Variants in RAD51B observed in about 807,000 individuals in gnomAD.
RAD51B encodes DNA repair protein RAD51 homolog 2.
A neutral mutation model predicts 42.2 loss-of-function variants in RAD51B; 38 were observed. The ratio of observed to expected loss-of-function variants is 0.90; its 90% confidence interval spans 0.70 to 1.18. The LOEUF (loss-of-function observed/expected upper bound fraction) is 1.18, where lower values mean the gene tolerates loss of function less well. Ranked by LOEUF, RAD51B falls within the 50% of genes most tolerant of loss-of-function variation. RAD51B has a pLI of 0.00. For missense variants in RAD51B, 373 were observed against 400.7 expected, an observed-to-expected ratio of 0.93 and a Z score of 0.59; for synonymous variants, 154 against 145.2, an observed-to-expected ratio of 1.06 and a Z score of -0.43.
At chr14:68,520,271 C>A (rs373734641) in intron 10 of RAD51B, among the ~76,000 whole-genome samples, 4 of 152,144 alleles carry the variant, frequency 2.6e-5, no homozygotes, top group Non-Finnish European at 5.9e-5. Context: ...CATCAGAGCC[C>A]CCATACCCTG....
intron 10 of RAD51B, among the ~76,000 whole-genome samples, chr14:68,586,088 GC>G (rs1890456584): frequency 1.4e-5 from 2 of 140,306 alleles, no homozygotes; most frequent in Non-Finnish European, 3.0e-5. Flanking sequence ...TCACCTCCTA[GC>G]CTATGGAAGA....
intron 7 of RAD51B, among the ~76,000 whole-genome samples, chr14:68,126,991 C>T (rs1240593205): frequency 6.6e-6 from 1 of 152,162 alleles, no homozygotes; most frequent in African/African-American, 2.4e-5. Context: ...AGAGTATAAG[C>T]TAATGAGCCA....
chr14:67,893,018 C>G (rs2043265639), intron 7 of RAD51B, among the ~76,000 whole-genome samples: 1 of 152,118 alleles, frequency 6.6e-6, no homozygotes, highest in Non-Finnish European at 1.5e-5. Flanking sequence ...AATATAACAG[C>G]TTTTGAGTCC....
chr14:68,597,816 A>AG (rs1359992810), downstream of RAD51B, among the ~76,000 whole-genome samples: 1 of 151,422 alleles, frequency 6.6e-6, no homozygotes, highest in Admixed American at 6.6e-5. Context: ...AAAAAAAAAA[A>AG]AGGACACAGA....
chr14:68,336,258 T>C (rs922788570), intron 8 of RAD51B, among the ~76,000 whole-genome samples: 2 of 152,242 alleles, frequency 1.3e-5, no homozygotes, highest in Admixed American at 1.3e-4. Context: ...TTTAAACCAC[T>C]TATCTCTCAA....
chr14:68,509,155 A>G (rs1291333339), intron 10 of RAD51B, among the ~76,000 whole-genome samples: 1 of 152,198 alleles, frequency 6.6e-6, no homozygotes, highest in Non-Finnish European at 1.5e-5. Context: ...TCAAGGGGTG[A>G]GTGTAGTCTG....
At chr14:68,372,506 G>A (rs896244959) in intron 8 of RAD51B, among the ~76,000 whole-genome samples, 5 of 152,140 alleles carry the variant, frequency 3.3e-5, no homozygotes, top group African/African-American at 9.7e-5. Context: ...TGAGATGCTC[G>A]TCCAAGTGTA....
intron 8 of RAD51B, among the ~76,000 whole-genome samples, chr14:68,404,841 G>C (rs950414711): frequency 1.3e-5 from 2 of 152,166 alleles, no homozygotes; most frequent in Non-Finnish European, 2.9e-5. Context: ...CGAGTATGGA[G>C]CCTGAGTGAC....
chr14:68,164,155 A>C (rs17105077), intron 7 of RAD51B, among the ~76,000 whole-genome samples: 1,865 of 152,308 alleles, frequency 0.012, 37 homozygotes, highest in African/African-American at 0.043. Flanking sequence ...ATTTCACAGG[A>C]AAGTAATTAC....
intron 8 of RAD51B, among the ~76,000 whole-genome samples, chr14:68,297,990 C>T (rs749978855): frequency 3.9e-5 from 6 of 152,170 alleles, no homozygotes; most frequent in East Asian, 1.9e-4. Context: ...TCAACACACA[C>T]GATTTTACAT....
chr14:67,966,773 T>A (rs1404744540), intron 7 of RAD51B, among the ~76,000 whole-genome samples: 1 of 152,216 alleles, frequency 6.6e-6, no homozygotes. Context: ...GCAAACTTGC[T>A]TTTTTGACTC....
chr14:68,576,449 C>A (rs1232607014), intron 10 of RAD51B, among the ~76,000 whole-genome samples: 1 of 152,190 alleles, frequency 6.6e-6, no homozygotes, highest in Non-Finnish European at 1.5e-5. Flanking sequence ...AAGTAAAGCC[C>A]CCACTAGAAG....
At chr14:68,680,885 C>T (rs985372411) in intron 11 of RAD51B, among the ~76,000 whole-genome samples, 1 of 151,758 alleles carries the variant, frequency 6.6e-6, no homozygotes, top group African/African-American at 2.4e-5. Flanking sequence ...AAGCAGATGA[C>T]ATTGTGAGAA....
chr14:68,306,293 T>A (rs2081860812), intron 8 of RAD51B, among the ~76,000 whole-genome samples: 1 of 152,252 alleles, frequency 6.6e-6, no homozygotes, highest in Non-Finnish European at 1.5e-5. Context: ...TCTGGTCCTG[T>A]AACCAACTTG....
At position 68,533,878 on chromosome 14, in the gene RAD51B, G is replaced by T. The variant is rs536990852; in HGVS notation, c.1037-60607G>T. ...TGTTTCAGCCTAAGCCAGTAGCTGGGTTTAACCAAATTTGAAGATTTTTCT... is the reference window on the plus strand; with the variant it reads ...TGTTTCAGCCTAAGCCAGTAGCTGGTTTTAACCAAATTTGAAGATTTTTCT... On this transcript the variant is annotated intron_variant, in intron 10 of 10. Transcript: ENST00000487270. Among the ~76,000 whole-genome samples, 248 of 152,296 alleles carry T rather than the reference G, an allele frequency of 1.6e-3. 2 individuals carry two copies. Among genetic ancestry groups the T allele is most frequent in the African/African-American group, 5.6e-3 (234 of 41,556 alleles).
chr14:68,103,264 T>C (rs1334602887), intron 7 of RAD51B, among the ~76,000 whole-genome samples: 5 of 152,218 alleles, frequency 3.3e-5, no homozygotes, highest in Admixed American at 2.6e-4. Flanking sequence ...ACATAATTAA[T>C]AAAATAATTA....
At chr14:68,452,181 T>C (rs537925992) in intron 9 of RAD51B, among the ~76,000 whole-genome samples, 1 of 152,304 alleles carries the variant, frequency 6.6e-6, no homozygotes, top group African/African-American at 2.4e-5. Context: ...TTGTGCATCT[T>C]GTTTTTTTTG....
At chr14:67,964,236 A>G (rs188844854) in intron 7 of RAD51B, among the ~76,000 whole-genome samples, 6 of 152,298 alleles carry the variant, frequency 3.9e-5, no homozygotes, top group Non-Finnish European at 7.4e-5. Context: ...TACTGCAGCC[A>G]TTATTGAACT....
chr14:68,391,633 T>G (rs1180171537), intron 8 of RAD51B, among the ~76,000 whole-genome samples: 2 of 122,806 alleles, frequency 1.6e-5, no homozygotes, highest in African/African-American at 5.1e-5. Flanking sequence ...ATAATAACAT[T>G]ATACCCATTT....
Sources: gnomAD v4.1 joint callset for allele counts (sites outside exome capture counted in the v4.1 genomes callset) on GRCh38, gnomAD v4.1.1 for gene constraint, MANE v1.5 for transcripts, NCBI Gene and HGNC (gene_info 2026-07-23, HGNC 2026-07-21) for gene names.